SYT16: variants seen among roughly 807,000 people sequenced by gnomAD.
SYT16 encodes the protein synaptotagmin-16.
SYT16 carries 42 observed loss-of-function variants against 61.4 expected under a neutral mutation model. The observed-to-expected ratio is 0.68, with a 90% CI of 0.53 to 0.89. The LOEUF (loss-of-function observed/expected upper bound fraction) is 0.89, where lower values mean the gene tolerates loss of function less well. SYT16 is among the 40% of genes least tolerant of loss of function. SYT16 has a pLI of 0.00. For missense variants in SYT16, 804 were observed against 807.3 expected, an observed-to-expected ratio of 1.00 and a Z score of 0.05; for synonymous variants, 314 against 302.3, an observed-to-expected ratio of 1.04 and a Z score of -0.40.
chr14:61,890,416 T>C (rs2048077878), intron 1 of SYT16, among the ~76,000 whole-genome samples: 1 of 150,816 alleles, frequency 6.6e-6, no homozygotes, highest in African/African-American at 2.4e-5. Flanking sequence ...CCAACCAAAG[T>C]GGAGGGGCTA....
At chr14:61,835,877 C>T (rs539673906) in intron 1 of SYT16, among the ~76,000 whole-genome samples, 8 of 152,280 alleles carry the variant, frequency 5.3e-5, no homozygotes, top group African/African-American at 1.9e-4. Context: ...ACCTGGCTCA[C>T]AGAAACTTTT....
intron 1 of SYT16, among the ~76,000 whole-genome samples, chr14:61,890,843 G>A (rs1467149494): frequency 6.6e-6 from 1 of 152,154 alleles, no homozygotes; most frequent in Admixed American, 6.5e-5. Context: ...TGGTGAATGA[G>A]GAAAATTAGC....
At chr14:61,965,506 T>C (rs774533691) in intron 1 of SYT16, among the ~76,000 whole-genome samples, 2 of 152,188 alleles carry the variant, frequency 1.3e-5, no homozygotes, top group Non-Finnish European at 2.9e-5. Flanking sequence ...CTTGAACTTA[T>C]TTCTAGTGTT....
intron 2 of SYT16, among the ~76,000 whole-genome samples, chr14:61,974,303 C>A (rs1266241515): frequency 6.6e-6 from 1 of 152,084 alleles, no homozygotes; most frequent in East Asian, 1.9e-4. Context: ...CAATCCAAGG[C>A]CTTATGTAGT....
At chr14:61,815,494 C>A (rs2045399443) in intron 1 of SYT16, among the ~76,000 whole-genome samples, 1 of 152,102 alleles carries the variant, frequency 6.6e-6, no homozygotes, top group Admixed American at 6.6e-5. Flanking sequence ...TGGAGAGAAT[C>A]CAGAAAGACC....
chr14:62,090,715 A>T (rs1282519929), intron 7 of SYT16, among the ~76,000 whole-genome samples: 3 of 152,184 alleles, frequency 2.0e-5, no homozygotes, highest in African/African-American at 7.2e-5. Flanking sequence ...ATAGAAAAGA[A>T]AAGATAGTTA....
At chr14:61,933,076 C>G (rs1253467441) in intron 1 of SYT16, among the ~76,000 whole-genome samples, 3 of 152,170 alleles carry the variant, frequency 2.0e-5, no homozygotes, top group East Asian at 3.9e-4. Flanking sequence ...GAAAGCCAGT[C>G]TAGTTGCCAT....
chr14:61,914,685 G>C (rs1036311066), intron 1 of SYT16, among the ~76,000 whole-genome samples: 2 of 152,150 alleles, frequency 1.3e-5, no homozygotes, highest in Non-Finnish European at 1.5e-5. Flanking sequence ...ATCCCAACAA[G>C]TTGATTTGGG....
intron 3 of SYT16, among the ~76,000 whole-genome samples, chr14:62,021,676 A>T (rs61993246): frequency 0.27 from 40,621 of 151,770 alleles, 6,689 homozygotes; most frequent in East Asian, 0.66. Flanking sequence ...AGAATGGACT[A>T]AAAGGGAGGC....
rs749196063 is a variant in SYT16, at chr14:62,100,823, C to G, written c.*116C>G. 3 of 1,054,372 alleles carry G rather than the reference C, an allele frequency of 2.8e-6. No individual in the cohort carries two copies. The highest frequency in any genetic ancestry group is 4.0e-6 in the Non-Finnish European group (3 of 747,494). The allele number at this position is 1,054,372 out of a possible 1,614,324, so 65.3% of individuals were successfully genotyped here. A position where few individuals can be genotyped will look rare whatever the true frequency, so the allele number is the denominator to read the frequency against. On this transcript the variant is annotated 3_prime_UTR_variant, in exon 8 of 8. Coordinates refer to ENST00000683842, the MANE Select transcript of SYT16 (RefSeq NM_001367656.1). ...TTTCAAAAACAGATTCCACTAACCC[C>G]TAGGACATTGTGAGTGGGAGTTTTG...
Sources: gnomAD v4.1 joint callset for allele counts (sites outside exome capture counted in the v4.1 genomes callset) on GRCh38, gnomAD v4.1.1 for gene constraint, MANE v1.5 for transcripts, NCBI Gene and HGNC (gene_info 2026-07-23, HGNC 2026-07-21) for gene names.